Variants in GPC6 observed in about 807,000 individuals in gnomAD.
The protein encoded by GPC6 is glypican 6.
GPC6 carries 14 observed loss-of-function variants against 55.2 expected under a neutral mutation model. The observed-to-expected ratio is 0.25, with a 90% CI of 0.17 to 0.40. The LOEUF is 0.40. GPC6 is among the 10% of genes least tolerant of loss of function. The pLI is 1.00. For missense variants in GPC6, 641 were observed against 708.5 expected (o/e 0.90, Z 1.08); for synonymous variants, 278 against 259.6 (o/e 1.07, Z -0.68).
chr13:94,386,463 G>A lies in GPC6; in HGVS notation c.1289+3913G>A, dbSNP rs886806275. Among the ~76,000 whole-genome samples, 9 of 151,032 alleles carry A rather than the reference G, an allele frequency of 6.0e-5. No homozygotes were observed. In the South Asian group the frequency reaches 6.3e-4, roughly 11 times the overall value. ...AAAGTAGCTAGGCATGGTGGCAGGC[G>A]CCTATAATCTTAACTACTCAGAAGG... On this transcript the variant is annotated intron_variant, in intron 7 of 8. Coordinates refer to ENST00000377047, the MANE Select transcript of GPC6 (RefSeq NM_005708.5).
intron 1 of GPC6, among the ~76,000 whole-genome samples, chr13:93,391,864 T>C (rs1000040460): frequency 6.6e-6 from 1 of 152,116 alleles, no homozygotes; most frequent in Non-Finnish European, 1.5e-5. Flanking sequence ...TTTTTTCCTA[T>C]AGATGGACCC....
chr13:94,113,554 C>T (rs1886323293), intron 4 of GPC6, among the ~76,000 whole-genome samples: 1 of 152,038 alleles, frequency 6.6e-6, no homozygotes, highest in Admixed American at 6.6e-5. Flanking sequence ...ATAAGCTTTC[C>T]AGTGTCAATA....
rs1881292859 is a variant in GPC6 at position 94,404,616 on chromosome 13, C to G, written c.*1399C>G. The stretch of plus-strand genomic sequence containing the variant: ...CCCTTCTGCATGAGTGTGCTTCAGC[C>G]TGGGTGCTCCAGACTACACCAAACT... On this transcript the variant is annotated 3_prime_UTR_variant, in exon 9 of 9. Transcript: ENST00000377047. 1 of 152,178 alleles carries G rather than the reference C, an allele frequency of 6.6e-6. No homozygotes were observed. The highest frequency in any genetic ancestry group is 1.5e-5 in the Non-Finnish European group (1 of 68,040). The allele number at this position is 152,178 out of a possible 1,614,324, so 9.4% of individuals were successfully genotyped here.
chr13:93,609,747 T>C (rs1421800013), intron 2 of GPC6, among the ~76,000 whole-genome samples: 1 of 152,214 alleles, frequency 6.6e-6, no homozygotes, highest in Admixed American at 6.5e-5. Flanking sequence ...TTCACTTGGC[T>C]GTCATGGATC....
intron 4 of GPC6, among the ~76,000 whole-genome samples, chr13:94,136,627 G>A (rs61595713): frequency 0.21 from 31,531 of 152,058 alleles, 3,326 homozygotes; most frequent in Non-Finnish European, 0.23. Context: ...GGAGAATGGC[G>A]TGAACCCGGG....
intron 4 of GPC6, among the ~76,000 whole-genome samples, chr13:94,130,890 G>A (rs992738632): frequency 1.3e-5 from 2 of 152,122 alleles, no homozygotes; most frequent in Non-Finnish European, 2.9e-5. Context: ...GGACTGTTAA[G>A]TACTTGAGAA....
chr13:93,958,931 G>T (rs770857486), intron 3 of GPC6, among the ~76,000 whole-genome samples: 1 of 151,972 alleles, frequency 6.6e-6, no homozygotes, highest in Admixed American at 6.6e-5. Context: ...CAGTTTCTTC[G>T]TGGCTATTGT....
At chr13:93,326,316 T>TG (rs1879651601) in intron 1 of GPC6, among the ~76,000 whole-genome samples, 1 of 152,248 alleles carries the variant, frequency 6.6e-6, no homozygotes, top group Admixed American at 6.5e-5. Flanking sequence ...TAGGTCTGGG[T>TG]GGGGCTTGAG....
upstream of GPC6, among the ~76,000 whole-genome samples, chr13:93,223,753 T>A (rs1001836133): frequency 6.6e-6 from 1 of 152,048 alleles, no homozygotes; most frequent in African/African-American, 2.4e-5. Context: ...AGAGACACAA[T>A]CTTAAAATAA....
chr13:93,646,271 T>G lies in GPC6; in HGVS notation c.319+100850T>G, dbSNP rs1000129212. Reference sequence around the variant, plus strand: ...ATTAACTGCTTGAATTTAGTCAAATTTGTTGAAGCAAGTAGTCCCAAGCTA... The same window carrying G: ...ATTAACTGCTTGAATTTAGTCAAATGTGTTGAAGCAAGTAGTCCCAAGCTA... On this transcript the variant is annotated intron_variant, in intron 2 of 8. Transcript: ENST00000377047. 4.0e-4 allele frequency among the ~76,000 whole-genome samples: 61 copies of G among 152,214 alleles called. 1 individual carries two copies. Among genetic ancestry groups the G allele is most frequent in the Non-Finnish European group, 4.3e-4 (29 of 67,996 alleles).
At chr13:93,420,074 T>A (rs574191250) in intron 1 of GPC6, among the ~76,000 whole-genome samples, 31 of 152,286 alleles carry the variant, frequency 2.0e-4, no homozygotes, top group African/African-American at 7.2e-4. Context: ...CCAAAATTAC[T>A]ATTTTACAGA....
chr13:94,021,887 A>T (rs1882709333), intron 3 of GPC6, among the ~76,000 whole-genome samples: 1 of 152,218 alleles, frequency 6.6e-6, no homozygotes, highest in Admixed American at 6.5e-5. Flanking sequence ...TCTTTTCAGT[A>T]GTGGGAAAAT....
intron 1 of GPC6, among the ~76,000 whole-genome samples, chr13:93,239,323 C>T (rs1360481682): frequency 1.3e-5 from 2 of 151,738 alleles, no homozygotes; most frequent in African/African-American, 2.4e-5. Context: ...TTTTGTGTTT[C>T]CAGAAATTTA....
intron 2 of GPC6, among the ~76,000 whole-genome samples, chr13:93,673,693 C>T (rs899532541): frequency 1.3e-5 from 2 of 152,086 alleles, no homozygotes; most frequent in African/African-American, 4.8e-5. Context: ...TAAAATTCAA[C>T]CACAATGGTT....
At chr13:93,458,496 T>C (rs1184628523) in intron 1 of GPC6, among the ~76,000 whole-genome samples, 1 of 152,152 alleles carries the variant, frequency 6.6e-6, no homozygotes, top group African/African-American at 2.4e-5. Flanking sequence ...TTCTCACGGA[T>C]ACTCCAGCAT....
At chr13:94,007,568 A>G (rs1427452307) in intron 3 of GPC6, among the ~76,000 whole-genome samples, 4 of 152,152 alleles carry the variant, frequency 2.6e-5, no homozygotes, top group Non-Finnish European at 5.9e-5. Flanking sequence ...CTTCTTTCCT[A>G]CTGCCCTAAA....
chr13:94,244,439 C>T (rs1417895871), intron 4 of GPC6, among the ~76,000 whole-genome samples: 1 of 151,824 alleles, frequency 6.6e-6, no homozygotes, highest in Non-Finnish European at 1.5e-5. Context: ...GTTTCCATCT[C>T]GAACTAAATG....
At chr13:93,485,993 A>G (rs1157179932) in intron 1 of GPC6, among the ~76,000 whole-genome samples, 1 of 152,202 alleles carries the variant, frequency 6.6e-6, no homozygotes, top group African/African-American at 2.4e-5. Context: ...AACCTGGGAA[A>G]TATGTACACT....
chr13:93,715,161 A>C (rs1043869571), intron 2 of GPC6, among the ~76,000 whole-genome samples: 1 of 151,628 alleles, frequency 6.6e-6, no homozygotes, highest in Admixed American at 6.6e-5. Flanking sequence ...ACATCCACTC[A>C]TATGTTCATC....
Sources: allele counts gnomAD v4.1 joint callset (sites outside exome capture counted in the v4.1 genomes callset), GRCh38; gene constraint gnomAD v4.1.1; transcripts MANE v1.5; gene names NCBI Gene and HGNC (gene_info 2026-07-23, HGNC 2026-07-21).